The following ANXA13 variants were observed in gnomAD, a reference collection of about 807,000 sequenced individuals.
The protein encoded by ANXA13 is annexin XIII.
A neutral mutation model predicts 46.6 loss-of-function variants in ANXA13; 36 were observed. That is an observed-to-expected ratio of 0.77 (90% CI 0.59 to 1.02). The LOEUF (loss-of-function observed/expected upper bound fraction) is 1.02, where lower values mean the gene tolerates loss of function less well. Ranked by LOEUF, ANXA13 falls within the 50% of genes least tolerant of loss-of-function variation. The probability of loss-of-function intolerance (pLI) is 0.00; values close to 1 mark genes in which losing one functional copy is unlikely to be tolerated. For synonymous variants in ANXA13, 163 were observed against 152.9 expected, an observed-to-expected ratio of 1.07 and a Z score of -0.49; for missense variants, 417 against 396.5, an observed-to-expected ratio of 1.05 and a Z score of -0.44.
At chr8:123,726,990 G>A (rs1234748266) in intron 1 of ANXA13, among the ~76,000 whole-genome samples, 1 of 152,178 alleles carries the variant, frequency 6.6e-6, no homozygotes, top group African/African-American at 2.4e-5. Flanking sequence ...ACTCATAAGT[G>A]GGAGCTAAGC....
chr8:123,728,870 T>A (rs1468471440), intron 1 of ANXA13, among the ~76,000 whole-genome samples: 2 of 152,202 alleles, frequency 1.3e-5, no homozygotes, highest in African/African-American at 4.8e-5. Flanking sequence ...ATCTTTAACA[T>A]TTTATCTTCC....
At chr8:123,692,002 G>A (rs918028648) in intron 8 of ANXA13, among the ~76,000 whole-genome samples, 3 of 152,236 alleles carry the variant, frequency 2.0e-5, no homozygotes, top group African/African-American at 7.2e-5. Flanking sequence ...CAAGAGACCA[G>A]GGGAGTGCAG....
intron 1 of ANXA13, among the ~76,000 whole-genome samples, chr8:123,723,007 G>A (rs112768043): frequency 0.025 from 3,732 of 152,288 alleles, 142 homozygotes; most frequent in African/African-American, 0.084. Context: ...GAAAAGACAC[G>A]AAGCCAGTGG....
intron 1 of ANXA13, among the ~76,000 whole-genome samples, chr8:123,736,865 T>G (rs200932275): frequency 3.2e-4 from 48 of 148,848 alleles, no homozygotes; most frequent in Admixed American, 9.6e-4. Context: ...TTTTTTTTTT[T>G]GGGACGGAGT....
intron 7 of ANXA13, 34 bp downstream of exon 7, chr8:123,693,674 AAAG>A: frequency 6.4e-7 from 1 of 1,555,478 alleles, no homozygotes; most frequent in Non-Finnish European, 8.7e-7. Context: ...AAATTTAAAA[AAAG>A]AATTTGCAGA....
Position 123,681,378 on chromosome 8 carries a change from C to G in ANXA13, c.832-19G>C, listed in dbSNP as rs773390233. 1 of 1,610,312 alleles carries G rather than the reference C, an allele frequency of 6.2e-7. No homozygotes were observed. Among genetic ancestry groups the G allele is most frequent in the Admixed American group, 1.7e-5 (1 of 59,576 alleles). The stretch of plus-strand genomic sequence containing the variant: ...GGTCCACCTGTAGAAAAAATAACAG[C>G]AATGGAGATAAGAACGTTTATGGTG... On this transcript the variant is annotated intron_variant, in intron 10 of 10. Coordinates refer to ENST00000419625, the MANE Select transcript of ANXA13 (RefSeq NM_004306.4).
chr8:123,715,433 GA>G, intron 1 of ANXA13, among the ~76,000 whole-genome samples: 1 of 152,366 alleles, frequency 6.6e-6, no homozygotes, highest in East Asian at 1.9e-4. Flanking sequence ...AGGTAGAATT[GA>G]ATCAGGGCAA....
intron 1 of ANXA13, among the ~76,000 whole-genome samples, chr8:123,719,784 A>G (rs1813826825): frequency 6.6e-6 from 1 of 152,298 alleles, no homozygotes; most frequent in South Asian, 2.1e-4. Context: ...TGGGAGTCAG[A>G]CCTACTCTGT....
In ANXA13 at chr8:123,684,697, G is replaced by A. The variant is rs777899634; in HGVS notation, c.744C>T (p.Asp248=). 1.2e-6 allele frequency: 2 copies of A among 1,613,890 alleles called. No individual in the cohort carries two copies. Among genetic ancestry groups the A allele is most frequent in the Non-Finnish European group, 1.7e-6 (2 of 1,179,796 alleles). The part of the protein sequence containing the change: ...TLVRCAQDCE[D]YFAERLYKSM... ...ACTTGTACAGACGTTCAGCAAAATA[G>A]TCCTCACAATCCTGGGCACATCTCA... is the stretch of plus-strand genomic sequence containing the variant. Residue 248 remains aspartate (D), a synonymous_variant, in exon 10 of 11, where the codon GAC becomes GAT. Transcript: ENST00000419625.
chr8:123,723,983 C>T (rs1184632187), intron 1 of ANXA13, among the ~76,000 whole-genome samples: 1 of 152,132 alleles, frequency 6.6e-6, no homozygotes, highest in African/African-American at 2.4e-5. Flanking sequence ...CCTGGTCTTG[C>T]TCCCAGTTTG....
chr8:123,727,184 TC>T (rs1218347573), intron 1 of ANXA13, among the ~76,000 whole-genome samples: 4 of 152,028 alleles, frequency 2.6e-5, no homozygotes, highest in African/African-American at 7.2e-5. Context: ...TACCACCTGT[TC>T]CCCCAAAACC....
intron 1 of ANXA13, among the ~76,000 whole-genome samples, chr8:123,717,694 C>CTAAT (rs1403726656): frequency 2.0e-5 from 3 of 152,212 alleles, no homozygotes; most frequent in Admixed American, 2.0e-4. Context: ...TGACTTCGGG[C>CTAAT]AAGTTAGAGA....
intron 10 of ANXA13, among the ~76,000 whole-genome samples, chr8:123,682,635 C>T (rs1813060158): frequency 6.6e-6 from 1 of 152,068 alleles, no homozygotes; most frequent in Non-Finnish European, 1.5e-5. Context: ...CTACAGGAGA[C>T]AGGTGGTGTC....
chr8:123,691,788 A>G (rs1813248078), intron 8 of ANXA13, among the ~76,000 whole-genome samples: 1 of 152,178 alleles, frequency 6.6e-6, no homozygotes, highest in African/African-American at 2.4e-5. Context: ...AGAATTCTCA[A>G]TTTAAACAAA....
intron 2 of ANXA13, among the ~76,000 whole-genome samples, chr8:123,707,239 C>T (rs1275818363): frequency 6.6e-6 from 1 of 152,192 alleles, no homozygotes; most frequent in Non-Finnish European, 1.5e-5. Flanking sequence ...TGCATGTCAT[C>T]ACGACAGAAC....
intron 10 of ANXA13, among the ~76,000 whole-genome samples, chr8:123,684,005 T>C (rs1813091100): frequency 2.0e-5 from 3 of 152,212 alleles, no homozygotes; most frequent in Non-Finnish European, 4.4e-5. Flanking sequence ...AAAAAGCCCT[T>C]AATTTTTTTA....
rs565081845 is a variant in ANXA13 at position 123,713,988 on chromosome 8, C to T, written c.16-1235G>A. ...GGATTACAGGTGTGAGCCACGGCGC[C>T]CGGCATGTCCATATATTTTCCATCC... On this transcript the variant is annotated intron_variant, in intron 1 of 10. Coordinates refer to ENST00000419625, the MANE Select transcript of ANXA13 (RefSeq NM_004306.4). Among the ~76,000 whole-genome samples, 9 of 152,274 alleles carry T rather than the reference C, an allele frequency of 5.9e-5. No individual in the cohort carries two copies. In the South Asian group the frequency reaches 1.9e-3, roughly 32 times the overall value.
chr8:123,695,300 C>A (rs766148970), intron 6 of ANXA13, among the ~76,000 whole-genome samples: 7 of 152,124 alleles, frequency 4.6e-5, no homozygotes, highest in Admixed American at 1.3e-4. Flanking sequence ...AATGACTAGG[C>A]AGATTGTTTA....
At chr8:123,683,577 C>G (rs1813081616) in intron 10 of ANXA13, among the ~76,000 whole-genome samples, 1 of 142,960 alleles carries the variant, frequency 7.0e-6, no homozygotes, top group Admixed American at 7.3e-5. Context: ...GAACTGTTAG[C>G]TGTGACCTTT....
Sources: allele counts gnomAD v4.1 joint callset (sites outside exome capture counted in the v4.1 genomes callset), GRCh38; gene constraint gnomAD v4.1.1; transcripts MANE v1.5; gene names NCBI Gene and HGNC (gene_info 2026-07-23, HGNC 2026-07-21).